Variants in TTC39B observed in about 807,000 individuals in gnomAD.
TTC39B encodes tetratricopeptide repeat domain 39B, also known as tetratricopeptide repeat protein 39B.
In TTC39B, 92 loss-of-function variants were observed where a neutral mutation model predicts 96.6. The observed-to-expected ratio is 0.95, with a 90% CI of 0.80 to 1.13. The LOEUF is 1.13. Ranked by LOEUF, TTC39B falls within the 50% of genes most tolerant of loss-of-function variation. The pLI, the probability that TTC39B is intolerant of heterozygous loss-of-function variation, is 0.00. For synonymous variants in TTC39B, 367 were observed against 299.4 expected, an observed-to-expected ratio of 1.23 and a Z score of -2.33; for missense variants, 955 against 809.3, an observed-to-expected ratio of 1.18 and a Z score of -2.18.
intron 2 of TTC39B, among the ~76,000 whole-genome samples, chr9:15,258,052 C>T (rs113514443): frequency 6.8e-6 from 1 of 147,846 alleles, no homozygotes; most frequent in African/African-American, 2.6e-5. Flanking sequence ...AAGAGCAAAA[C>T]TCCATCTCAA....
chr9:15,300,683 C>T (rs914473107), intron 1 of TTC39B, among the ~76,000 whole-genome samples: 7 of 152,030 alleles, frequency 4.6e-5, no homozygotes, highest in African/African-American at 1.7e-4. Flanking sequence ...GTCAGGAGTT[C>T]GAAAGCAGCC....
chr9:15,180,176 A>G (rs1818174096), intron 17 of TTC39B, among the ~76,000 whole-genome samples: 1 of 152,226 alleles, frequency 6.6e-6, no homozygotes. Flanking sequence ...TGAAGCCCAA[A>G]CTACAAAAAG....
At chr9:15,193,009 A>G (rs1303582489) in intron 8 of TTC39B, among the ~76,000 whole-genome samples, 2 of 152,228 alleles carry the variant, frequency 1.3e-5, no homozygotes, top group East Asian at 3.9e-4. Flanking sequence ...TTCCGGCAGC[A>G]TATCACAGCG....
chr9:15,288,828 C>T (rs1327395635), intron 1 of TTC39B, among the ~76,000 whole-genome samples: 3 of 152,242 alleles, frequency 2.0e-5, no homozygotes, highest in Non-Finnish European at 4.4e-5. Context: ...CCAGCTTCTG[C>T]ACCTGCCCAT....
chr9:15,232,338 C>T (rs538755592), intron 2 of TTC39B: 1 of 152,758 alleles, frequency 6.5e-6, no homozygotes, highest in African/African-American at 2.4e-5. Flanking sequence ...GCTATAGTTA[C>T]ACCCCTAGAA....
intron 1 of TTC39B, among the ~76,000 whole-genome samples, chr9:15,293,399 C>G (rs919205671): frequency 3.9e-5 from 6 of 152,016 alleles, no homozygotes; most frequent in Non-Finnish European, 8.8e-5. Flanking sequence ...TGAGGGAGGT[C>G]TGAAATGATT....
intron 1 of TTC39B, among the ~76,000 whole-genome samples, chr9:15,305,392 G>A (rs972549994): frequency 3.3e-5 from 5 of 152,056 alleles, no homozygotes; most frequent in African/African-American, 1.2e-4. Context: ...AAACTGTGAG[G>A]GACAAAAGTA....
chr9:15,188,078 G>C, exon 14 of TTC39B: 1 of 1,610,318 alleles, frequency 6.2e-7, no homozygotes, highest in Non-Finnish European at 8.5e-7. Context: ...CAGAGATGGT[G>C]AAACTGTTTC....
intron 2 of TTC39B, among the ~76,000 whole-genome samples, chr9:15,234,596 A>C (rs924984201): frequency 9.2e-5 from 14 of 152,228 alleles, no homozygotes; most frequent in African/African-American, 2.9e-4. Context: ...AAGAGGGGAA[A>C]GGTGGGGAAA....
intron 8 of TTC39B, among the ~76,000 whole-genome samples, chr9:15,195,834 G>A (rs1564333096): frequency 6.6e-6 from 1 of 152,164 alleles, no homozygotes; most frequent in Admixed American, 6.5e-5. Flanking sequence ...GGAAGAAGAT[G>A]CTATCTAGAA....
chr9:15,269,064 A>G (rs1563776579), intron 1 of TTC39B, among the ~76,000 whole-genome samples: 1 of 152,092 alleles, frequency 6.6e-6, no homozygotes, highest in Non-Finnish European at 1.5e-5. Flanking sequence ...CCCCTTTCTT[A>G]TAATGTCCTT....
chr9:15,281,713 G>C (rs1257309686), intron 1 of TTC39B, among the ~76,000 whole-genome samples: 1 of 144,574 alleles, frequency 6.9e-6, no homozygotes, highest in East Asian at 2.0e-4. Context: ...GTCTCACTCT[G>C]TCACTCACGC....
At chr9:15,264,781 C>T (rs977885577) in intron 2 of TTC39B, among the ~76,000 whole-genome samples, 2 of 148,614 alleles carry the variant, frequency 1.3e-5, no homozygotes, top group African/African-American at 2.5e-5. Context: ...CTTATATATA[C>T]ACAATAAAAT....
intron 8 of TTC39B, among the ~76,000 whole-genome samples, chr9:15,196,020 A>G (rs1186046315): frequency 1.3e-5 from 2 of 152,256 alleles, no homozygotes; most frequent in African/African-American, 4.8e-5. Context: ...CCAGTGCTCT[A>G]TAATTAAAAC....
At chr9:15,287,873 G>A (rs959705658) in intron 1 of TTC39B, among the ~76,000 whole-genome samples, 1 of 148,104 alleles carries the variant, frequency 6.8e-6, no homozygotes, top group Non-Finnish European at 1.5e-5. Flanking sequence ...GTGAACCCAG[G>A]AGGCGGAGCT....
At chr9:15,219,917 T>C (rs925892353) in intron 3 of TTC39B, among the ~76,000 whole-genome samples, 2 of 152,180 alleles carry the variant, frequency 1.3e-5, no homozygotes, top group Admixed American at 1.3e-4. Context: ...TTCAGAGCTA[T>C]GTCAAAAAGA....
rs149536346 is a variant in TTC39B at position 15,306,088 on chromosome 9, A to G, written c.240+996T>C. ...CTGGCACTAAAGAGATGGACGGGAA[A>G]CTTAACCGCCTCCTCCAGATCGTCC... On this transcript the variant is annotated intron_variant, in intron 1 of 19. Transcript: ENST00000512701. This position sits in a 1 kb window ranked among gnomAD's most constrained non-coding sequence, Gnocchi z 5.1. Among the ~76,000 whole-genome samples, 539 of 152,302 alleles carry G rather than the reference A, an allele frequency of 3.5e-3. 3 individuals are homozygous for G. Among genetic ancestry groups the G allele is most frequent in the African/African-American group, 0.013 (523 of 41,560 alleles).
chr9:15,268,664 G>A lies in TTC39B; in HGVS notation c.241-716C>T, dbSNP rs115632632. 7.4e-3 allele frequency among the ~76,000 whole-genome samples: 1,119 copies of A among 152,092 alleles called. 21 individuals carry two copies. Among genetic ancestry groups the A allele is most frequent in the African/African-American group, 0.025 (1,051 of 41,474 alleles). ...TAAGCTCCTCATCCAGGTATCCGGG[G>A]TCCACCACAACCCAGCTTAATCTTC... On this transcript the variant is annotated intron_variant, in intron 1 of 19. Transcript: ENST00000512701.
chr9:15,214,186 T>C, exon 4 of TTC39B: 1 of 1,614,082 alleles, frequency 6.2e-7, no homozygotes, highest in Non-Finnish European at 8.5e-7. Flanking sequence ...TGCTTAGAAA[T>C]AAGTTCAATG....
Sources: gnomAD v4.1 joint callset for allele counts (sites outside exome capture counted in the v4.1 genomes callset) on GRCh38, gnomAD v4.1.1 for gene constraint, Gnocchi (gnomAD v3.1) non-coding constraint, MANE v1.5 for transcripts, NCBI Gene and HGNC (gene_info 2026-07-23, HGNC 2026-07-21) for gene names.